The following HDAC4 variants were observed in gnomAD, a reference collection of about 807,000 sequenced individuals.
HDAC4 encodes histone deacetylase A.
A neutral mutation model predicts 135.1 loss-of-function variants in HDAC4; 16 were observed. The observed-to-expected ratio is 0.12, with a 90% CI of 0.08 to 0.18. HDAC4 has a LOEUF of 0.18. Among genes scored for constraint, HDAC4 ranks in the 10% least tolerant of loss-of-function variants. The pLI is 1.00. For missense variants in HDAC4, 1,143 were observed against 1,511.8 expected (o/e 0.76, Z 4.05); for synonymous variants, 685 against 653.4 (o/e 1.05, Z -0.74).
chr2:239,138,660 T>C (rs1163927717), intron 9 of HDAC4, among the ~76,000 whole-genome samples: 2 of 152,122 alleles, frequency 1.3e-5, no homozygotes, highest in Non-Finnish European at 2.9e-5. Context: ...CCACTCAGCC[T>C]GCGGGACTGC....
At chr2:239,217,674 A>G (rs758313298) in intron 3 of HDAC4, among the ~76,000 whole-genome samples, 6 of 152,184 alleles carry the variant, frequency 3.9e-5, no homozygotes, top group Non-Finnish European at 8.8e-5. Context: ...TAAGAACTAA[A>G]AAGAGAGCAC....
intron 2 of HDAC4, among the ~76,000 whole-genome samples, chr2:239,254,919 C>T (rs559710685): frequency 1.1e-4 from 17 of 152,200 alleles, no homozygotes; most frequent in Non-Finnish European, 2.4e-4. Context: ...GATCTAAGAA[C>T]ATTGAATTGA....
intron 6 of HDAC4, chr2:239,161,996 T>A (rs2042825593): frequency 2.5e-6 from 1 of 403,258 alleles, no homozygotes; most frequent in East Asian, 7.2e-5. Context: ...CTATTCCTGC[T>A]GGCCTCGGCC....
At chr2:239,201,010 A>G (rs1019456775) in intron 3 of HDAC4, among the ~76,000 whole-genome samples, 1 of 152,196 alleles carries the variant, frequency 6.6e-6, no homozygotes, top group Non-Finnish European at 1.5e-5. Flanking sequence ...TGTCCTCTTC[A>G]CTACCGGGGA....
chr2:239,204,572 C>T (rs867622719), intron 3 of HDAC4, among the ~76,000 whole-genome samples: 3 of 152,218 alleles, frequency 2.0e-5, no homozygotes, highest in South Asian at 2.1e-4. Flanking sequence ...CCAGCCCCTA[C>T]GCTGGCCCAA....
intron 1 of HDAC4, among the ~76,000 whole-genome samples, chr2:239,389,511 C>T (rs963397580): frequency 4.6e-5 from 7 of 152,118 alleles, no homozygotes; most frequent in Non-Finnish European, 7.4e-5. Flanking sequence ...TCTGCAGCTT[C>T]ATTCTTGAAG....
At chr2:239,378,933 C>A (rs1208983820) in intron 1 of HDAC4, among the ~76,000 whole-genome samples, 1 of 152,352 alleles carries the variant, frequency 6.6e-6, no homozygotes, top group East Asian at 1.9e-4. Context: ...CAGGAAGCAG[C>A]CCTCTTTCCC....
intron 11 of HDAC4, 57 bp from the exon 12 acceptor site, chr2:239,126,751 G>C: frequency 5.9e-6 from 9 of 1,538,328 alleles, no homozygotes; most frequent in Non-Finnish European, 8.0e-6. Flanking sequence ...AGAGGAGGGA[G>C]AGAGGGCTAT....
intron 1 of HDAC4, among the ~76,000 whole-genome samples, chr2:239,386,149 G>C (rs1011455817): frequency 6.6e-6 from 1 of 151,974 alleles, no homozygotes; most frequent in South Asian, 2.1e-4. Flanking sequence ...CTGAGAGTCG[G>C]AGCACAGGGA....
chr2:239,053,609 G>T lies in HDAC4; in HGVS notation c.3089-8C>A. The T allele has an allele frequency of 3.1e-6, 5 of 1,613,038 alleles. No individual in the cohort carries two copies. The highest frequency in any genetic ancestry group is 4.2e-6 in the Non-Finnish European group (5 of 1,179,732). ...GGCAGCGCCAGTACTTGCCTGGGGTGGTGGGGTGAGGAAAGTCGCTCAGTG... is the reference window on the plus strand; with the variant it reads ...GGCAGCGCCAGTACTTGCCTGGGGTTGTGGGGTGAGGAAAGTCGCTCAGTG... On this transcript the variant is annotated splice_region_variant and splice_polypyrimidine_tract_variant and intron_variant, in intron 25 of 26. Coordinates refer to ENST00000543185, the MANE Select transcript of HDAC4 (RefSeq NM_001378414.1).
rs987177228 is a variant in HDAC4, at chr2:239,399,058, C to A, written c.-220+1920G>T. ...GTTTTTAAGGCATGAAAATACTTCC[C>A]TCCCACACAAATGTGAGTTCTTCTG... On this transcript the variant is annotated intron_variant, in intron 1 of 26. Coordinates refer to ENST00000543185, the MANE Select transcript of HDAC4 (RefSeq NM_001378414.1). Among the ~76,000 whole-genome samples, 107 of 152,178 alleles carry A rather than the reference C, an allele frequency of 7.0e-4. 2 individuals are homozygous for A. The highest frequency in any genetic ancestry group is 6.5e-5 in the Admixed American group (1 of 15,272).
chr2:239,139,967 T>C lies in HDAC4; in HGVS notation c.866-171A>G, dbSNP rs572983475. Among the ~76,000 whole-genome samples the C allele has an allele frequency of 2.0e-5, 3 of 152,382 alleles. No individual in the cohort carries two copies. The highest frequency in any genetic ancestry group is 7.2e-5 in the African/African-American group (3 of 41,596). ...GGTTTCAAAAAAGAAAGTATGATGC[T>C]GATTTCTGATTTTCCAGTTTTGCCA... On this transcript the variant is annotated intron_variant, in intron 8 of 26. Coordinates refer to ENST00000543185, the MANE Select transcript of HDAC4 (RefSeq NM_001378414.1). The surrounding 1 kb of genome is among the most constrained non-coding windows in gnomAD (Gnocchi z 5.3).
intron 2 of HDAC4, among the ~76,000 whole-genome samples, chr2:239,243,677 C>G (rs1490145681): frequency 2.6e-5 from 4 of 152,190 alleles, no homozygotes; most frequent in Non-Finnish European, 5.9e-5. Context: ...TCATATTTTT[C>G]AAACAAAGGT....
intron 24 of HDAC4, among the ~76,000 whole-genome samples, chr2:239,062,403 G>C (rs1185622205): frequency 6.6e-6 from 1 of 152,248 alleles, no homozygotes. Context: ...CTTCATCAAA[G>C]GCTGCCGGGC....
At chr2:239,136,569 C>G (rs1197682745) in intron 9 of HDAC4, among the ~76,000 whole-genome samples, 1 of 152,196 alleles carries the variant, frequency 6.6e-6, no homozygotes, top group Non-Finnish European at 1.5e-5. Flanking sequence ...AGCTTCTGCA[C>G]AGCAAAGGAA....
chr2:239,173,738 A>G (rs561888213), intron 5 of HDAC4, among the ~76,000 whole-genome samples: 1 of 152,212 alleles, frequency 6.6e-6, no homozygotes, highest in South Asian at 2.1e-4. Flanking sequence ...TTATTTATAG[A>G]TGACAGGATT....
At chr2:239,084,443 ACACACTCACACGCGTGCGCGCG>A (rs1383380092) in intron 19 of HDAC4, among the ~76,000 whole-genome samples, 1 of 145,860 alleles carries the variant, frequency 6.9e-6, no homozygotes, top group Non-Finnish European at 1.5e-5. Context: ...CCACATGCAG[ACACACTCACACGCGTGCGCGCG>A]CACACACACA....
intron 5 of HDAC4, among the ~76,000 whole-genome samples, chr2:239,171,126 T>A (rs183140576): frequency 7.3e-6 from 1 of 136,244 alleles, no homozygotes; most frequent in East Asian, 2.1e-4. Flanking sequence ...AAGTCAGACA[T>A]GCAACCTAAA....
intron 7 of HDAC4, 75 bp downstream of exon 7, chr2:239,156,577 G>T: frequency 6.3e-7 from 1 of 1,580,476 alleles, no homozygotes; most frequent in Non-Finnish European, 8.7e-7. Flanking sequence ...GACAGCGGTG[G>T]GCCCTGCGTG....
Sources: gnomAD v4.1 joint callset for allele counts (sites outside exome capture counted in the v4.1 genomes callset) on GRCh38, gnomAD v4.1.1 for gene constraint, Gnocchi (gnomAD v3.1) non-coding constraint, MANE v1.5 for transcripts, NCBI Gene and HGNC (gene_info 2026-07-23, HGNC 2026-07-21) for gene names.